LRMDA: variants seen among roughly 807,000 people sequenced by gnomAD.
The protein encoded by LRMDA is leucine-rich melanocyte differentiation-associated protein.
A neutral mutation model predicts 29.8 loss-of-function variants in LRMDA; 18 were observed. The ratio of observed to expected loss-of-function variants is 0.60; its 90% CI spans 0.42 to 0.90. The LOEUF (loss-of-function observed/expected upper bound fraction) is 0.90. Among genes scored for constraint, LRMDA ranks in the 40% least tolerant of loss-of-function variants. LRMDA has a pLI of 0.00. For synonymous variants in LRMDA, 125 were observed against 109.4 expected, an observed-to-expected ratio of 1.14 and a Z score of -0.89; for missense variants, 273 against 273.9, an observed-to-expected ratio of 1.00 and a Z score of 0.02.
intron 2 of LRMDA, among the ~76,000 whole-genome samples, chr10:75,637,552 A>T (rs960061101): frequency 6.6e-6 from 1 of 152,144 alleles, no homozygotes; most frequent in Admixed American, 6.5e-5. Flanking sequence ...CACGTGTAGC[A>T]TGTAGTGTGT....
At chr10:76,438,002 C>T (rs1353050136) in intron 6 of LRMDA, among the ~76,000 whole-genome samples, 1 of 151,922 alleles carries the variant, frequency 6.6e-6, no homozygotes, top group African/African-American at 2.4e-5. Flanking sequence ...TCAGCGGCAA[C>T]TCTCTGTTAT....
intron 2 of LRMDA, among the ~76,000 whole-genome samples, chr10:75,534,921 C>T (rs1425566034): frequency 6.6e-6 from 1 of 152,026 alleles, no homozygotes; most frequent in Non-Finnish European, 1.5e-5. Context: ...AAACTATACA[C>T]CAGAATTTCT....
chr10:76,064,826 T>C (rs1323426311), intron 5 of LRMDA, among the ~76,000 whole-genome samples: 1 of 152,236 alleles, frequency 6.6e-6, no homozygotes, highest in African/African-American at 2.4e-5. Flanking sequence ...CAATATATTT[T>C]GAAAGTTCTC....
chr10:75,847,849 A>C (rs1844667176), intron 2 of LRMDA, among the ~76,000 whole-genome samples: 2 of 152,212 alleles, frequency 1.3e-5, no homozygotes, highest in Admixed American at 6.5e-5. Context: ...GAAAGAAAAT[A>C]AAAAACATGA....
At chr10:76,070,743 G>A (rs531904538) in intron 5 of LRMDA, among the ~76,000 whole-genome samples, 1 of 152,214 alleles carries the variant, frequency 6.6e-6, no homozygotes, top group East Asian at 1.9e-4. Flanking sequence ...CCTAGTAAGA[G>A]TAAAATACCT....
intron 2 of LRMDA, among the ~76,000 whole-genome samples, chr10:75,631,954 G>A (rs1272511499): frequency 1.3e-5 from 2 of 152,074 alleles, no homozygotes. Context: ...TGTTTGTTTG[G>A]TTATTTTTAA....
At chr10:76,355,533 T>G (rs1201339561) in intron 6 of LRMDA, among the ~76,000 whole-genome samples, 1 of 152,116 alleles carries the variant, frequency 6.6e-6, no homozygotes, top group African/African-American at 2.4e-5. Flanking sequence ...AAAGGACACG[T>G]GTGTGTTATT....
intron 5 of LRMDA, among the ~76,000 whole-genome samples, chr10:76,222,489 C>CAGTT (rs1851861986): frequency 6.7e-6 from 1 of 149,300 alleles, no homozygotes; most frequent in African/African-American, 2.4e-5. Flanking sequence ...CAAAAGAAGA[C>CAGTT]AGTTATGCAG....
At chr10:76,055,063 C>CAAAAAAAAAAAAAACAAAAAAA (rs1848587736) in intron 4 of LRMDA, among the ~76,000 whole-genome samples, 1 of 45,898 alleles carries the variant, frequency 2.2e-5, no homozygotes, top group Admixed American at 3.4e-4. Context: ...GACTCCATCT[C>CAAAAAAAAAAAAAACAAAAAAA]AAAAAAAAAA....
At chr10:76,266,794 A>G (rs1840011249) in intron 5 of LRMDA, among the ~76,000 whole-genome samples, 1 of 152,194 alleles carries the variant, frequency 6.6e-6, no homozygotes, top group Admixed American at 6.5e-5. Flanking sequence ...TAGTATATTT[A>G]CATACATTGA....
rs76381936 is a variant in LRMDA, at chr10:75,532,537, C to T, written c.131+94043C>T. ...GCTTTCTAGGGGCTGGAGGTGTATTCGGGAGACATCCTCAGGTGTGCATGC... is the reference window on the plus strand; with the variant it reads ...GCTTTCTAGGGGCTGGAGGTGTATTTGGGAGACATCCTCAGGTGTGCATGC... On this transcript the variant is annotated intron_variant, in intron 2 of 6. Coordinates refer to ENST00000611255, the MANE Select transcript of LRMDA (RefSeq NM_001305581.2). Among the ~76,000 whole-genome samples the T allele has an allele frequency of 3.3e-5, 5 of 152,200 alleles. No homozygotes were observed. In the East Asian group the frequency reaches 5.8e-4, roughly 18 times the overall value.
At chr10:75,793,367 C>T (rs1313607172) in intron 2 of LRMDA, among the ~76,000 whole-genome samples, 3 of 152,030 alleles carry the variant, frequency 2.0e-5, no homozygotes, top group Non-Finnish European at 2.9e-5. Flanking sequence ...AGAGGGGAGC[C>T]GAAGGGAAGG....
chr10:75,870,135 T>C (rs1253851597), intron 2 of LRMDA, among the ~76,000 whole-genome samples: 1 of 152,172 alleles, frequency 6.6e-6, no homozygotes, highest in Non-Finnish European at 1.5e-5. Flanking sequence ...CTAAGAATGG[T>C]TTATATATTT....
chr10:75,861,090 A>G (rs1053066906), intron 2 of LRMDA, among the ~76,000 whole-genome samples: 3 of 152,254 alleles, frequency 2.0e-5, no homozygotes, highest in Non-Finnish European at 2.9e-5. Context: ...CAATGACGAT[A>G]ATAAATCTTT....
intron 6 of LRMDA, among the ~76,000 whole-genome samples, chr10:76,395,534 A>G (rs11599080): frequency 0.028 from 4,203 of 152,342 alleles, 56 homozygotes; most frequent in African/African-American, 0.042. Flanking sequence ...GTAGTCACTG[A>G]TGAGCACATT....
intron 6 of LRMDA, among the ~76,000 whole-genome samples, chr10:76,365,107 T>TATATATACACACACAC (rs141131236): frequency 8.5e-4 from 52 of 61,254 alleles, no homozygotes; most frequent in African/African-American, 1.9e-3. Flanking sequence ...TATATATATA[T>TATATATACACACACAC]ACACACACAC....
intron 2 of LRMDA, among the ~76,000 whole-genome samples, chr10:75,657,155 C>T (rs1010357510): frequency 6.6e-6 from 1 of 152,118 alleles, no homozygotes; most frequent in African/African-American, 2.4e-5. Flanking sequence ...GTATTTGAAG[C>T]CTCAAGGAGT....
intron 6 of LRMDA, among the ~76,000 whole-genome samples, chr10:76,370,267 A>T (rs538338835): frequency 6.6e-6 from 1 of 151,874 alleles, no homozygotes; most frequent in Non-Finnish European, 1.5e-5. Context: ...CAAACAAAAA[A>T]CCCATCCAGC....
intron 6 of LRMDA, among the ~76,000 whole-genome samples, chr10:76,482,055 C>T (rs1027283154): frequency 1.3e-5 from 2 of 151,852 alleles, no homozygotes; most frequent in African/African-American, 2.4e-5. Context: ...CCGTCTCTGC[C>T]TGTCCAATTT....
Sources: allele counts gnomAD v4.1 joint callset (sites outside exome capture counted in the v4.1 genomes callset), GRCh38; gene constraint gnomAD v4.1.1; transcripts MANE v1.5; gene names NCBI Gene and HGNC (gene_info 2026-07-23, HGNC 2026-07-21).